ERBB2: variants seen among roughly 807,000 people sequenced by gnomAD.
The protein encoded by ERBB2 is receptor tyrosine-protein kinase erbB-2.
ERBB2 carries 61 observed loss-of-function variants against 149.0 expected under a neutral mutation model. That is an observed-to-expected ratio of 0.41 (90% CI 0.33 to 0.51). The LOEUF (loss-of-function observed/expected upper bound fraction) is 0.51, where lower values mean the gene tolerates loss of function less well. ERBB2 is among the 20% of genes least tolerant of loss of function. ERBB2 has a pLI of 0.25. For missense variants in ERBB2, 1,205 were observed against 1,655.1 expected (o/e 0.73, Z 4.72); for synonymous variants, 633 against 678.8 (o/e 0.93, Z 1.05).
chr17:39,724,757 CAT>C lies in ERBB2; in HGVS notation c.2342_2343del (p.Tyr781CysfsTer92). ...TACGTGATGGCTGGTGTGGGCTCCC[CAT>C]ATGTCTCCCGCCTTCTGGGCATCTG... On this transcript the variant is annotated frameshift_variant, in exon 20 of 27. Transcript: ENST00000269571. LOFTEE classifies it high-confidence loss of function. 6.2e-7 allele frequency: 1 copy of C among 1,614,188 alleles called. No individual in the cohort carries two copies.
rs761420980 is a variant in ERBB2, at chr17:39,726,320, G to A, written c.2873-242G>A. 1.3e-5 allele frequency: 7 copies of A among 529,732 alleles called. No homozygotes were observed. The highest frequency in any genetic ancestry group is 7.6e-5 in the African/African-American group (4 of 52,486). The allele number at this position is 529,732 out of a possible 1,614,324, so 32.8% of individuals were successfully genotyped here. A position where few individuals can be genotyped will look rare whatever the true frequency, so the allele number is the denominator to read the frequency against. On this transcript the variant is annotated intron_variant, in intron 23 of 26. Transcript: ENST00000269571. The surrounding 1 kb of genome is among the most constrained non-coding windows in gnomAD (Gnocchi z 5.1). ...TGAAATCCAGCCTGGGTGACAGAGCGAAACCTCATCTCAAAAAAATAAAAA... is the reference window on the plus strand; with the variant it reads ...TGAAATCCAGCCTGGGTGACAGAGCAAAACCTCATCTCAAAAAAATAAAAA...
At chr17:39,694,326 T>C (rs1444033114), upstream of ERBB2, among the ~76,000 whole-genome samples, 2 of 115,226 alleles carry the variant, frequency 1.7e-5, no homozygotes, top group African/African-American at 6.6e-5. Context: ...CACACACACA[T>C]ATATATGTGT....
Position 39,727,588 on chromosome 17 carries a change from G to A in ERBB2, c.3412+41G>A. ...TAAGCAGAGAGACTGATGGGCAGGG[G>A]AGGTGGGACCTTCAGCCCAGGGTCC... On this transcript the variant is annotated intron_variant, in intron 26 of 26. Transcript: ENST00000269571. This position sits in a 1 kb window ranked among gnomAD's most constrained non-coding sequence, Gnocchi z 4.3. 6.3e-7 allele frequency: 1 copy of A among 1,581,428 alleles called. No individual in the cohort carries two copies. The highest frequency in any genetic ancestry group is 2.2e-5 in the East Asian group (1 of 44,812).
At position 39,727,742 on chromosome 17, in the gene ERBB2, C is replaced by G. The variant is rs2143291840; in HGVS notation, c.3466C>G (p.Pro1156Ala). ...RPQPPSPREG[P>A]LPAARPAGAT... Reference sequence around the variant, plus strand: ...CCAGCCCCCTTCGCCCCGAGAGGGCCCTCTGCCTGCTGCCCGACCTGCTGG... The same window carrying G: ...CCAGCCCCCTTCGCCCCGAGAGGGCGCTCTGCCTGCTGCCCGACCTGCTGG... Residue 1156 changes from proline (P) to alanine (A), a missense_variant, in exon 27 of 27, where the codon CCT (proline) becomes GCT (alanine). Physicochemically the swap from Pro to Ala is conservative, Grantham distance 27. Coordinates refer to ENST00000269571, the MANE Select transcript of ERBB2 (RefSeq NM_004448.4). This position sits in a 1 kb window ranked among gnomAD's most constrained non-coding sequence, Gnocchi z 4.3. The G allele has an allele frequency of 6.3e-7, 1 of 1,594,002 alleles. No individual in the cohort carries two copies. Among genetic ancestry groups the G allele is most frequent in the African/African-American group, 1.3e-5 (1 of 74,686 alleles).
In ERBB2 at chr17:39,727,786, C is replaced by G. The variant is rs2143296535; in HGVS notation, c.3510C>G (p.Pro1170=). 1 of 1,613,052 alleles carries G rather than the reference C, an allele frequency of 6.2e-7. No individual in the cohort carries two copies. Among genetic ancestry groups the G allele is most frequent in the Non-Finnish European group, 8.5e-7 (1 of 1,179,284 alleles). The change falls in exon 27 of 27, where the codon CCC becomes CCG. Residue 1170 remains proline, a synonymous_variant. Transcript: ENST00000269571. The surrounding 1 kb of genome is among the most constrained non-coding windows in gnomAD (Gnocchi z 4.3). ...CTGCTGGTGCCACTCTGGAAAGGCC[C>G]AAGACTCTCTCCCCAGGGAAGAATG... is the stretch of plus-strand genomic sequence containing the variant. ...ARPAGATLER[P]KTLSPGKNGV... is the part of the protein sequence containing the mutation.
At chr17:39,689,934 A>G (rs532383323), upstream of ERBB2, among the ~76,000 whole-genome samples, 5 of 151,778 alleles carry the variant, frequency 3.3e-5, no homozygotes, top group South Asian at 2.1e-4. Flanking sequence ...GAAAATTCCA[A>G]TTTTGAAGGC....
intron 4 of ERBB2, 111 bp downstream of exon 4, chr17:39,709,563 A>C: frequency 7.8e-7 from 1 of 1,280,730 alleles, no homozygotes; most frequent in Non-Finnish European, 1.1e-6. Flanking sequence ...CGCCTACACC[A>C]CCCATTTCCT....
Position 39,710,499 on chromosome 17 carries a change from A to T in ERBB2, c.901+18A>T, listed in dbSNP as rs759226286. 1 of 1,613,630 alleles carries T rather than the reference A, an allele frequency of 6.2e-7. No individual in the cohort carries two copies. The highest frequency in any genetic ancestry group is 8.5e-7 in the Non-Finnish European group (1 of 1,179,980). On this transcript the variant is annotated intron_variant, in intron 7 of 26. Transcript: ENST00000269571. ...CTGTCCCTGTGAGTGCCAGGGAGAA[A>T]CACAGTTTTCTCATTTTGGTGGGGA... is the stretch of plus-strand genomic sequence containing the variant.
intron 19 of ERBB2, 100 bp from the exon 20 acceptor site, chr17:39,724,626 A>C (rs1280908095): frequency 9.4e-7 from 1 of 1,064,374 alleles, no homozygotes; most frequent in Non-Finnish European, 1.4e-6. Flanking sequence ...GAGCCTTCAC[A>C]GGCTGTGGGC....
chr17:39,706,936 G>A (rs2145399687), intron 1 of ERBB2, 54 bp from the exon 2 acceptor site: 1 of 1,464,468 alleles, frequency 6.8e-7, no homozygotes. Context: ...GGGTGGCCAG[G>A]TCTGAGAAGG....
upstream of ERBB2, among the ~76,000 whole-genome samples, chr17:39,689,932 CA>C (rs941800956): frequency 3.9e-4 from 59 of 151,192 alleles, no homozygotes; most frequent in African/African-American, 1.4e-3. Flanking sequence ...AAGAAAATTC[CA>C]ATTTTGAAGG....
upstream of ERBB2, among the ~76,000 whole-genome samples, chr17:39,690,093 A>T (rs534649517): frequency 4.0e-3 from 600 of 151,898 alleles, 3 homozygotes; most frequent in Non-Finnish European, 5.6e-3. Context: ...GTTAAAAAAA[A>T]TTTTTTTTCC....
chr17:39,725,238 G>A lies in ERBB2; in HGVS notation c.2649+34G>A. On this transcript the variant is annotated intron_variant, in intron 21 of 26. Transcript: ENST00000269571. The surrounding 1 kb of genome is among the most constrained non-coding windows in gnomAD (Gnocchi z 4.6). ...AAGGACCAAGGAGCAGAGGAGGCTG[G>A]GTGGAGTGGTGTCTAGCCCATGGGA... The A allele has an allele frequency of 6.2e-7, 1 of 1,613,958 alleles. No homozygotes were observed. The highest frequency in any genetic ancestry group is 8.5e-7 in the Non-Finnish European group (1 of 1,179,886).
At position 39,725,578 on chromosome 17, in the gene ERBB2, G is replaced by A. The variant is rs2059710778; in HGVS notation, c.2726-129G>A. 8.2e-7 allele frequency: 1 copy of A among 1,224,732 alleles called. No individual in the cohort carries two copies. The highest frequency in any genetic ancestry group is 1.4e-5 in the South Asian group (1 of 69,818). 75.9% of individuals were successfully genotyped at this position (1,224,732 alleles called of 1,614,324 possible). A position where few individuals can be genotyped will look rare whatever the true frequency, so the allele number is the denominator to read the frequency against. ...CCCAGGATTAGGGAAAGACCGGGTA[G>A]GGTCTGTCTCCTGGCATCACATCTC... On this transcript the variant is annotated intron_variant, in intron 22 of 26. Coordinates refer to ENST00000269571, the MANE Select transcript of ERBB2 (RefSeq NM_004448.4). This position sits in a 1 kb window ranked among gnomAD's most constrained non-coding sequence, Gnocchi z 4.6.
Position 39,712,375 on chromosome 17 carries a change from G to T in ERBB2, c.1075G>T (p.Ala359Ser). 1 of 1,613,310 alleles carries T rather than the reference G, an allele frequency of 6.2e-7. No individual in the cohort carries two copies. The stretch of plus-strand genomic sequence containing the variant: ...GCGAGAGGTGAGGGCAGTTACCAGT[G>T]CCAATATCCAGGAGTTTGCTGGCTG... ...HLREVRAVTS[A>S]NIQEFAGCKK... Residue 359 changes from alanine to serine, a missense_variant, in exon 9 of 27, where the codon GCC (alanine) becomes TCC (serine). Physicochemically the swap from Ala to Ser is moderately conservative, Grantham distance 99. Coordinates refer to ENST00000269571, the MANE Select transcript of ERBB2 (RefSeq NM_004448.4).
rs2059904135 is a variant in ERBB2, at chr17:39,728,629, T to C, written c.*585T>C. The C allele has an allele frequency of 4.3e-6, 1 of 233,228 alleles. No individual in the cohort carries two copies. Among genetic ancestry groups the C allele is most frequent in the Non-Finnish European group, 8.5e-6 (1 of 118,044 alleles). The allele number at this position is 233,228 out of a possible 1,614,324, so 14.4% of individuals were successfully genotyped here. A position where few individuals can be genotyped will look rare whatever the true frequency, so the allele number is the denominator to read the frequency against. On this transcript the variant is annotated 3_prime_UTR_variant, in exon 27 of 27. Transcript: ENST00000269571. ...GGGGGGTCCTTCTCCACACCCACTT[T>C]GTCCATTTGCAAATATATTTTGGAA... is the stretch of plus-strand genomic sequence containing the variant.
chr17:39,700,258 G>T lies in ERBB2; in HGVS notation c.20G>T (p.Cys7Phe). The T allele has an allele frequency of 6.9e-7, 1 of 1,441,988 alleles. No homozygotes were observed. Among genetic ancestry groups the T allele is most frequent in the Non-Finnish European group, 9.1e-7 (1 of 1,100,486 alleles). 89.3% of individuals were successfully genotyped at this position (1,441,988 alleles called of 1,614,324 possible). ...AGCACCATGGAGCTGGCGGCCTTGT[G>T]CCGCTGGGGGCTCCTCCTCGCCCTC... Reference protein sequence around the residue: MELAALCRWGLLLALLP... With the variant: MELAALFRWGLLLALLP... The change falls in exon 1 of 27, where the codon TGC becomes TTC. Residue 7 changes from cysteine to phenylalanine, a missense_variant. Cys to Phe is a radical substitution (Grantham distance 205). Transcript: ENST00000269571.
rs997168711 is a variant in ERBB2, at chr17:39,727,328, C to G, written c.3193C>G (p.Pro1065Ala). 2.5e-6 allele frequency: 4 copies of G among 1,612,418 alleles called. No individual in the cohort carries two copies. The African/African-American group carries it at 5.4e-5, about 22-fold the overall frequency. ...GGGDLTLGLE[P>A]SEEEAPRSPL... ...TGGGGACCTGACACTAGGGCTGGAGCCCTCTGAAGAGGAGGCCCCCAGGTC... is the reference window on the plus strand; with the variant it reads ...TGGGGACCTGACACTAGGGCTGGAGGCCTCTGAAGAGGAGGCCCCCAGGTC... Residue 1065 changes from proline to alanine, a missense_variant, in exon 26 of 27, where the codon CCC (proline) becomes GCC (alanine). Transcript: ENST00000269571. The surrounding 1 kb of genome is among the most constrained non-coding windows in gnomAD (Gnocchi z 4.3).
At position 39,717,309 on chromosome 17, in the gene ERBB2, G is replaced by GCC. The variant is rs200189245; in HGVS notation, c.1738-4_1738-3dup. The GCC allele has an allele frequency of 2.5e-6, 4 of 1,582,710 alleles. No individual in the cohort carries two copies. The highest frequency in any genetic ancestry group is 1.4e-5 in the African/African-American group (1 of 73,938). Reference sequence around the variant, plus strand: ...TGCCAGCCCCCCACAAATCTTTTCTGCCCCCCCCAGGAGGCTGACCAGTGT... The same window carrying GCC: ...TGCCAGCCCCCCACAAATCTTTTCTGCCCCCCCCCCAGGAGGCTGACCAGTGT... On this transcript the variant is annotated splice_polypyrimidine_tract_variant and intron_variant, in intron 14 of 26. Transcript: ENST00000269571.
Sources: gnomAD v4.1 joint callset for allele counts (sites outside exome capture counted in the v4.1 genomes callset) on GRCh38, gnomAD v4.1.1 for gene constraint, Gnocchi (gnomAD v3.1) non-coding constraint, MANE v1.5 for transcripts, NCBI Gene and HGNC (gene_info 2026-07-23, HGNC 2026-07-21) for gene names.